Variants in HTRA3 observed in about 807,000 individuals in gnomAD.
The protein encoded by HTRA3 is serine protease HTRA3.
In HTRA3, 41 loss-of-function variants were observed where a neutral mutation model predicts 43.2. The ratio of observed to expected loss-of-function variants is 0.95; its 90% CI spans 0.74 to 1.23. The LOEUF is 1.23. Ranked by LOEUF, HTRA3 falls within the 50% of genes most tolerant of loss-of-function variation. HTRA3 has a pLI of 0.00. For missense variants in HTRA3, 628 were observed against 647.1 expected (o/e 0.97, Z 0.32); for synonymous variants, 295 against 287.9 (o/e 1.02, Z -0.25).
intron 5 of HTRA3, among the ~76,000 whole-genome samples, chr4:8,292,774 A>G (rs1048323333): frequency 2.0e-5 from 3 of 152,194 alleles, no homozygotes; most frequent in Admixed American, 6.5e-5. Context: ...TTTTTCCAGA[A>G]TAAACCAGGA....
intron 2 of HTRA3, among the ~76,000 whole-genome samples, chr4:8,283,082 G>A (rs1469950292): frequency 6.6e-6 from 1 of 152,256 alleles, no homozygotes; most frequent in Non-Finnish European, 1.5e-5. Flanking sequence ...GGAGCGGGGA[G>A]GAATGAGGGA....
intron 1 of HTRA3, among the ~76,000 whole-genome samples, chr4:8,271,105 A>C (rs548068130): frequency 2.6e-5 from 4 of 152,162 alleles, no homozygotes; most frequent in Non-Finnish European, 5.9e-5. Context: ...CCTGCGTGCC[A>C]TCAGCTTGCA....
chr4:8,286,699 G>C lies in HTRA3; in HGVS notation c.624G>C (p.Gln208His), dbSNP rs777846752. ...CGGGCAGGCAGCAGCTCAAGGTGCA[G>C]CTACAGAATGGGGACTCCTATGAGG... ...AAPGRQQLKV[Q>H]LQNGDSYEAT... Residue 208 changes from glutamine to histidine, a missense_variant, in exon 3 of 9, where the codon CAG becomes CAC. Physicochemically the swap from Gln to His is conservative, Grantham distance 24. Transcript: ENST00000307358. This position sits in a 1 kb window ranked among gnomAD's most constrained non-coding sequence, Gnocchi z 4.9. 6.2e-7 allele frequency: 1 copy of C among 1,614,072 alleles called. No homozygotes were observed. The highest frequency in any genetic ancestry group is 8.5e-7 in the Non-Finnish European group (1 of 1,180,040).
rs1004795171 is a variant in HTRA3 at position 8,295,245 on chromosome 4, T to A, written c.1051+1044T>A. On this transcript the variant is annotated intron_variant, in intron 6 of 8. Coordinates refer to ENST00000307358, the MANE Select transcript of HTRA3 (RefSeq NM_053044.5). The surrounding 1 kb of genome is among the most constrained non-coding windows in gnomAD (Gnocchi z 6.9). Reference sequence around the variant, plus strand: ...CTCCTGAGTACTTCCTCTTCCAGCCTGTGGCCCATGGAGATCACATGGTAG... The same window carrying A: ...CTCCTGAGTACTTCCTCTTCCAGCCAGTGGCCCATGGAGATCACATGGTAG... Among the ~76,000 whole-genome samples the A allele has an allele frequency of 6.6e-6, 1 of 152,176 alleles. No homozygotes were observed. Among genetic ancestry groups the A allele is most frequent in the Non-Finnish European group, 1.5e-5 (1 of 68,022 alleles).
rs779094727 is a variant in HTRA3, at chr4:8,294,092, C to T, written c.942C>T (p.Gly314=). 20 of 1,607,028 alleles carry T rather than the reference C, an allele frequency of 1.2e-5. 1 individual carries two copies. Among genetic ancestry groups the T allele is most frequent in the Middle Eastern group, 1.7e-4 (1 of 5,958 alleles). ...GCTCTTACCTCCCTGCCCAGGATGG[C>T]GAGGTCATTGGCATCAACACGCTCA... ...NSGGPLVNLD[G]EVIGINTLKV... Residue 314 remains glycine (G), a synonymous_variant, in exon 6 of 9, where the codon GGC becomes GGT. Coordinates refer to ENST00000307358, the MANE Select transcript of HTRA3 (RefSeq NM_053044.5).
chr4:8,270,745 T>C (rs891271637), intron 1 of HTRA3, among the ~76,000 whole-genome samples: 4 of 152,174 alleles, frequency 2.6e-5, no homozygotes, highest in Admixed American at 2.6e-4. Context: ...GGTGCCCTCT[T>C]GGGTGATGCC....
At chr4:8,272,121 G>A (rs1176630314) in intron 1 of HTRA3, among the ~76,000 whole-genome samples, 4 of 152,218 alleles carry the variant, frequency 2.6e-5, no homozygotes, top group African/African-American at 9.6e-5. Flanking sequence ...ACCGTGGAAG[G>A]CACTATGAGA....
chr4:8,287,855 C>T (rs778651897), intron 3 of HTRA3, among the ~76,000 whole-genome samples: 1 of 152,202 alleles, frequency 6.6e-6, no homozygotes, highest in East Asian at 1.9e-4. Context: ...AGCTAGGACC[C>T]CGGCCTCCCT....
intron 8 of HTRA3, 118 bp from the exon 9 acceptor site, chr4:8,305,853 G>C: frequency 9.1e-7 from 1 of 1,099,710 alleles, no homozygotes; most frequent in Non-Finnish European, 1.4e-6. Context: ...CTTTCCCATC[G>C]AGATGACTTT....
At position 8,306,400 on chromosome 4, in the gene HTRA3, A is replaced by G. The variant is rs1057051015; in HGVS notation, c.*264A>G. Reference sequence around the variant, plus strand: ...TGAAAGTCACTTCCAAGTTCTCCGGATATTCACAAAACTGCCTTCCATGGA... The same window carrying G: ...TGAAAGTCACTTCCAAGTTCTCCGGGTATTCACAAAACTGCCTTCCATGGA... On this transcript the variant is annotated 3_prime_UTR_variant, in exon 9 of 9. Transcript: ENST00000307358. This position sits in a 1 kb window ranked among gnomAD's most constrained non-coding sequence, Gnocchi z 8.9. 2.6e-6 allele frequency: 1 copy of G among 383,160 alleles called. No homozygotes were observed. Among genetic ancestry groups the G allele is most frequent in the African/African-American group, 2.1e-5 (1 of 47,944 alleles). 23.7% of individuals were successfully genotyped at this position (383,160 alleles called of 1,614,324 possible). A position where few individuals can be genotyped will look rare whatever the true frequency, so the allele number is the denominator to read the frequency against.
At position 8,295,596 on chromosome 4, in the gene HTRA3, T is replaced by C; in HGVS notation, c.1051+1395T>C. 2.3e-6 allele frequency: 2 copies of C among 859,954 alleles called. No individual in the cohort carries two copies. The highest frequency in any genetic ancestry group is 3.2e-6 in the Non-Finnish European group (2 of 626,694). The allele number at this position is 859,954 out of a possible 1,614,324, so 53.3% of individuals were successfully genotyped here. Reference sequence around the variant, plus strand: ...CTTCTCTTCAGCCCTAGTGAGCTTCTCCCTCCTGCCATTGTGTCTCCTGTG... The same window carrying C: ...CTTCTCTTCAGCCCTAGTGAGCTTCCCCCTCCTGCCATTGTGTCTCCTGTG... On this transcript the variant is annotated intron_variant, in intron 6 of 8. Coordinates refer to ENST00000307358, the MANE Select transcript of HTRA3 (RefSeq NM_053044.5). The surrounding 1 kb of genome is among the most constrained non-coding windows in gnomAD (Gnocchi z 6.9).
chr4:8,270,587 GGC>G (rs1214781979), intron 1 of HTRA3, among the ~76,000 whole-genome samples: 1 of 152,146 alleles, frequency 6.6e-6, no homozygotes, highest in Non-Finnish European at 1.5e-5. Context: ...GTGGTCTCCT[GGC>G]CACCCGAGGG....
rs571923435 is a variant in HTRA3, at chr4:8,294,477, C to T, written c.1051+276C>T. Among the ~76,000 whole-genome samples, 15 of 151,834 alleles carry T rather than the reference C, an allele frequency of 9.9e-5. No individual in the cohort carries two copies. In the East Asian group the frequency reaches 1.9e-3, roughly 20 times the overall value. ...TGTCTCCTTTTGGCTGGGGAATCTC[C>T]GAGCTCAGCTCCCACCATCAGCTTC... On this transcript the variant is annotated intron_variant, in intron 6 of 8. Coordinates refer to ENST00000307358, the MANE Select transcript of HTRA3 (RefSeq NM_053044.5).
intron 1 of HTRA3, among the ~76,000 whole-genome samples, chr4:8,271,909 C>T (rs892280828): frequency 5.9e-5 from 9 of 152,146 alleles, no homozygotes; most frequent in African/African-American, 1.9e-4. Flanking sequence ...TGATGAGGTC[C>T]GGCTTGTGTT....
At chr4:8,272,466 A>T (rs1048820178) in intron 1 of HTRA3, among the ~76,000 whole-genome samples, 3 of 152,184 alleles carry the variant, frequency 2.0e-5, no homozygotes, top group East Asian at 1.9e-4. Context: ...CCTCTTCCCG[A>T]TGAGGTGACC....
chr4:8,270,059 G>C lies in HTRA3; in HGVS notation c.91G>C (p.Val31Leu). 1 of 1,485,856 alleles carries C rather than the reference G, an allele frequency of 6.7e-7. No individual in the cohort carries two copies. Among genetic ancestry groups the C allele is most frequent in the South Asian group, 1.3e-5 (1 of 78,354 alleles). The allele number at this position is 1,485,856 out of a possible 1,614,324, so 92.0% of individuals were successfully genotyped here. ...PAAPCPARCDVSRCPSPRCPG... is the reference protein window; with the variant it reads ...PAAPCPARCDLSRCPSPRCPG... The stretch of plus-strand genomic sequence containing the variant: ...GGCGCCGTGTCCCGCGCGCTGCGAC[G>C]TGTCGCGGTGTCCCAGCCCCCGCTG... Residue 31 changes from valine (V) to leucine (L), a missense_variant, in exon 1 of 9, where the codon GTG becomes CTG. Physicochemically the swap from Val to Leu is conservative, Grantham distance 32. Transcript: ENST00000307358.
At chr4:8,274,443 T>A (rs941471598) in intron 1 of HTRA3, among the ~76,000 whole-genome samples, 1 of 152,170 alleles carries the variant, frequency 6.6e-6, no homozygotes, top group Non-Finnish European at 1.5e-5. Flanking sequence ...GATCCCCATC[T>A]CCTCCAGGCT....
intron 1 of HTRA3, among the ~76,000 whole-genome samples, chr4:8,275,032 G>A (rs973858699): frequency 1.3e-5 from 2 of 152,150 alleles, no homozygotes; most frequent in Non-Finnish European, 2.9e-5. Flanking sequence ...CTCCCCTCCT[G>A]CCCCGCCCAC....
chr4:8,286,944 G>A lies in HTRA3; in HGVS notation c.708+161G>A, dbSNP rs1031518512. Among the ~76,000 whole-genome samples, 5 of 152,118 alleles carry A rather than the reference G, an allele frequency of 3.3e-5. No individual in the cohort carries two copies. The highest frequency in any genetic ancestry group is 7.4e-5 in the Non-Finnish European group (5 of 68,004). On this transcript the variant is annotated intron_variant, in intron 3 of 8. Coordinates refer to ENST00000307358, the MANE Select transcript of HTRA3 (RefSeq NM_053044.5). This position sits in a 1 kb window ranked among gnomAD's most constrained non-coding sequence, Gnocchi z 4.9. The stretch of plus-strand genomic sequence containing the variant: ...GGCAGCTGGCCCAGGGTCACGGCTT[G>A]GAAAAGACCTAGAACCCAGGTCTTT...
Sources: gnomAD v4.1 joint callset for allele counts (sites outside exome capture counted in the v4.1 genomes callset) on GRCh38, gnomAD v4.1.1 for gene constraint, Gnocchi (gnomAD v3.1) non-coding constraint, MANE v1.5 for transcripts, NCBI Gene and HGNC (gene_info 2026-07-23, HGNC 2026-07-21) for gene names.